CDC14A: variants seen among roughly 807,000 people sequenced by gnomAD.
The protein encoded by CDC14A is cell division cycle 14A.
Under a neutral mutation model 74.4 loss-of-function variants are expected in CDC14A, and 53 were observed. That is an observed-to-expected ratio of 0.71 (90% CI 0.57 to 0.89). CDC14A has a LOEUF of 0.89. Ranked by LOEUF, CDC14A falls within the 40% of genes least tolerant of loss-of-function variation. The pLI is 0.00. For synonymous variants in CDC14A, 247 were observed against 258.4 expected, an observed-to-expected ratio of 0.96 and a Z score of 0.43; for missense variants, 646 against 713.7, an observed-to-expected ratio of 0.91 and a Z score of 1.08.
At chr1:100,348,998 C>T (rs952467047), upstream of CDC14A, among the ~76,000 whole-genome samples, 7 of 152,130 alleles carry the variant, frequency 4.6e-5, no homozygotes, top group African/African-American at 1.4e-4. Context: ...AGTTTGAGAC[C>T]AGCCTGGCCA....
rs1648142666 is a variant in CDC14A, at chr1:100,498,143, TC to T, written c.1361del (p.Pro454LeufsTer19). On this transcript the variant is annotated frameshift_variant, in exon 14 of 16. Coordinates refer to ENST00000336454, the MANE Select transcript of CDC14A (RefSeq NM_003672.4). LOFTEE classifies it high-confidence loss of function. The stretch of plus-strand genomic sequence containing the variant: ...TTTGAAGACATCAAAAATGGCACTG[TC>T]CCCTTCAGCAACGGCCAAGAGGATC... The part of the protein sequence containing the change: ...VTLKTSKMAL[S>X]PSATAKRINR... 1.2e-6 allele frequency: 2 copies of T among 1,614,032 alleles called. No individual in the cohort carries two copies. The highest frequency in any genetic ancestry group is 2.7e-5 in the African/African-American group (2 of 74,936).
chr1:100,429,809 C>A (rs1663439280), intron 5 of CDC14A, among the ~76,000 whole-genome samples: 1 of 149,168 alleles, frequency 6.7e-6, no homozygotes, highest in African/African-American at 2.5e-5. Context: ...TAAAACTCTC[C>A]ATCTTGGAGA....
At chr1:100,370,533 A>G (rs1004656313) in intron 2 of CDC14A, among the ~76,000 whole-genome samples, 2 of 152,220 alleles carry the variant, frequency 1.3e-5, no homozygotes, top group African/African-American at 4.8e-5. Flanking sequence ...GCATTTGGCT[A>G]GCCAGCTATC....
At chr1:100,402,272 CATTTACCCG>C (rs1225358718) in intron 4 of CDC14A, among the ~76,000 whole-genome samples, 1 of 152,100 alleles carries the variant, frequency 6.6e-6, no homozygotes, top group African/African-American at 2.4e-5. Flanking sequence ...CTTCACCTGG[CATTTACCCG>C]AGTGAGGACT....
chr1:100,441,802 CA>C (rs1318150272), intron 6 of CDC14A, among the ~76,000 whole-genome samples: 1 of 152,050 alleles, frequency 6.6e-6, no homozygotes, highest in Admixed American at 6.6e-5. Flanking sequence ...CCAACCACAG[CA>C]AATATGATTT....
At chr1:100,461,066 G>T (rs1258832754) in intron 8 of CDC14A, among the ~76,000 whole-genome samples, 2 of 152,212 alleles carry the variant, frequency 1.3e-5, no homozygotes, top group African/African-American at 4.8e-5. Context: ...AAGTAAAAAG[G>T]CAACACTGAA....
chr1:100,496,704 C>T (rs1464171695), intron 13 of CDC14A, among the ~76,000 whole-genome samples: 1 of 152,150 alleles, frequency 6.6e-6, no homozygotes, highest in Non-Finnish European at 1.5e-5. Flanking sequence ...GCATCTGGAG[C>T]TTCTGGAGAA....
intron 4 of CDC14A, among the ~76,000 whole-genome samples, chr1:100,405,949 G>A (rs946951472): frequency 2.6e-5 from 4 of 152,092 alleles, no homozygotes; most frequent in African/African-American, 9.7e-5. Flanking sequence ...TTGAGGAATC[G>A]CCACACTGTC....
At chr1:100,415,621 C>T (rs1377249954) in intron 4 of CDC14A, among the ~76,000 whole-genome samples, 1 of 152,160 alleles carries the variant, frequency 6.6e-6, no homozygotes, top group African/African-American at 2.4e-5. Context: ...CTTTATTTTA[C>T]AACATGTTCA....
chr1:100,445,482 A>G (rs1665430841), intron 7 of CDC14A, among the ~76,000 whole-genome samples: 5 of 152,240 alleles, frequency 3.3e-5, no homozygotes, highest in Admixed American at 2.6e-4. Flanking sequence ...TGTATTAATT[A>G]TTAAATATAC....
rs923187730 is a variant in CDC14A, at chr1:100,508,576, T to G, written c.1755+9314T>G. Among the ~76,000 whole-genome samples, 2 of 152,176 alleles carry G rather than the reference T, an allele frequency of 1.3e-5. No individual in the cohort carries two copies. The highest frequency in any genetic ancestry group is 4.8e-5 in the African/African-American group (2 of 41,448). On this transcript the variant is annotated intron_variant, in intron 15 of 15. Transcript: ENST00000336454. This position sits in a 1 kb window ranked among gnomAD's most constrained non-coding sequence, Gnocchi z 4.4. ...GCCCGATCATCTAGGCCTTTCAGTC[T>G]AGAAACAGACCTTAATGACCCAGGC... is the stretch of plus-strand genomic sequence containing the variant.
chr1:100,490,229 G>A (rs1670476407), intron 11 of CDC14A, among the ~76,000 whole-genome samples: 1 of 152,070 alleles, frequency 6.6e-6, no homozygotes, highest in African/African-American at 2.4e-5. Context: ...GTCTTATTCA[G>A]TATTCCAGGA....
chr1:100,441,017 A>G (rs781541394), intron 6 of CDC14A, among the ~76,000 whole-genome samples: 6 of 152,238 alleles, frequency 3.9e-5, no homozygotes, highest in Non-Finnish European at 8.8e-5. Context: ...TACCCAACAT[A>G]TAACAGTTGA....
At chr1:100,382,745 T>C (rs1656318048) in intron 3 of CDC14A, among the ~76,000 whole-genome samples, 1 of 152,158 alleles carries the variant, frequency 6.6e-6, no homozygotes, top group African/African-American at 2.4e-5. Flanking sequence ...TTCACAGAAA[T>C]GTAATTTTAA....
intron 5 of CDC14A, among the ~76,000 whole-genome samples, chr1:100,433,565 T>C (rs1663970022): frequency 1.3e-5 from 2 of 152,230 alleles, no homozygotes; most frequent in Admixed American, 6.5e-5. Context: ...CAAAATTTCT[T>C]AGTCTCTTTT....
At chr1:100,383,521 T>G (rs1009007729) in intron 3 of CDC14A, 2 of 152,632 alleles carry the variant, frequency 1.3e-5, no homozygotes, top group Admixed American at 1.3e-4. Flanking sequence ...GTAAAACTTG[T>G]AAAGGTCATG....
intron 10 of CDC14A, among the ~76,000 whole-genome samples, chr1:100,478,209 A>G (rs1471655527): frequency 2.6e-5 from 4 of 152,164 alleles, no homozygotes; most frequent in East Asian, 3.9e-4. Flanking sequence ...ATGATGTAAA[A>G]ATACATCTTT....
chr1:100,441,444 T>G (rs1325096895), intron 6 of CDC14A, among the ~76,000 whole-genome samples: 1 of 152,104 alleles, frequency 6.6e-6, no homozygotes, highest in Admixed American at 6.5e-5. Flanking sequence ...TATGGCCACA[T>G]TTTTGCCTTT....
intron 3 of CDC14A, among the ~76,000 whole-genome samples, chr1:100,377,932 A>G (rs1417613728): frequency 6.6e-6 from 1 of 152,208 alleles, no homozygotes; most frequent in Non-Finnish European, 1.5e-5. Context: ...CTCCTAGGAT[A>G]ATTTTTCTGA....
Sources: gnomAD v4.1 joint callset for allele counts (sites outside exome capture counted in the v4.1 genomes callset) on GRCh38, gnomAD v4.1.1 for gene constraint, Gnocchi (gnomAD v3.1) non-coding constraint, MANE v1.5 for transcripts, NCBI Gene and HGNC (gene_info 2026-07-23, HGNC 2026-07-21) for gene names.